TRAPPC9: variants seen among roughly 807,000 people sequenced by gnomAD.
TRAPPC9 encodes IKK2 binding protein.
TRAPPC9 carries 83 observed loss-of-function variants against 124.0 expected under a neutral mutation model. The observed-to-expected ratio is 0.67, with a 90% CI of 0.56 to 0.80. TRAPPC9 has a LOEUF of 0.80. TRAPPC9 is among the 30% of genes least tolerant of loss of function. The pLI, the probability that TRAPPC9 is intolerant of heterozygous loss-of-function variation, is 0.00. For missense variants in TRAPPC9, 1,302 were observed against 1,508.3 expected (o/e 0.86, Z 2.27); for synonymous variants, 638 against 617.5 (o/e 1.03, Z -0.49).
chr8:139,750,987 C>T (rs934005394), intron 21 of TRAPPC9, among the ~76,000 whole-genome samples: 1 of 152,246 alleles, frequency 6.6e-6, no homozygotes, highest in African/African-American at 2.4e-5. Context: ...TGGCCCACCC[C>T]AAGGGCTGCA....
intron 4 of TRAPPC9, among the ~76,000 whole-genome samples, chr8:140,431,764 AAGCC>A (rs1228141696): frequency 6.6e-6 from 1 of 152,210 alleles, no homozygotes; most frequent in Non-Finnish European, 1.5e-5. Context: ...ATTCAGACAC[AAGCC>A]AGCTGAACGA....
At chr8:139,774,349 C>T (rs554754914) in intron 21 of TRAPPC9, among the ~76,000 whole-genome samples, 7 of 152,182 alleles carry the variant, frequency 4.6e-5, no homozygotes, top group African/African-American at 1.2e-4. Context: ...ACTGGGGGCG[C>T]GGTGGGCTGG....
Position 140,371,081 on chromosome 8 carries a change from C to T in TRAPPC9, c.1234G>A (p.Ala412Thr), listed in dbSNP as rs201836353. 1.2e-6 allele frequency: 2 copies of T among 1,614,204 alleles called. No individual in the cohort carries two copies. Among genetic ancestry groups the T allele is most frequent in the Non-Finnish European group, 1.7e-6 (2 of 1,180,046 alleles). Residue 412 changes from alanine (A) to threonine (T), a missense_variant, in exon 8 of 23, where the codon GCC becomes ACC. By Grantham distance (58) the Ala-to-Thr change is moderately conservative. Coordinates refer to ENST00000438773, the MANE Select transcript of TRAPPC9 (RefSeq NM_001160372.4). ...ATGCTTGGGGCCACGCACTGCATGG[C>T]GGCCACGCGCTTGAAGAACGCAGAC... The part of the protein sequence containing the change: ...RKSAFFKRVA[A>T]MQCVAPSIAE...
chr8:139,974,754 G>A (rs750250515), intron 19 of TRAPPC9, among the ~76,000 whole-genome samples: 7 of 152,024 alleles, frequency 4.6e-5, no homozygotes, highest in Non-Finnish European at 8.8e-5. Context: ...CTCCTACAGG[G>A]CTCCATTTTA....
At chr8:140,099,303 C>A (rs1430327526) in intron 17 of TRAPPC9, 1 of 150,582 alleles carries the variant, frequency 6.6e-6, no homozygotes, top group Non-Finnish European at 1.5e-5. Flanking sequence ...AGACACCCAG[C>A]GAGGTCTCTG....
chr8:140,206,582 C>T (rs1027730974), intron 17 of TRAPPC9, among the ~76,000 whole-genome samples: 4 of 151,982 alleles, frequency 2.6e-5, no homozygotes, highest in Admixed American at 6.6e-5. Context: ...TACTCCCTTA[C>T]GGTCTTAAGG....
intron 15 of TRAPPC9, among the ~76,000 whole-genome samples, chr8:140,262,383 T>C (rs530387304): frequency 1.6e-4 from 24 of 150,942 alleles, no homozygotes; most frequent in African/African-American, 5.0e-4. Context: ...GCGTTGAACA[T>C]GACAGGTCTC....
In TRAPPC9 at chr8:140,114,610, G is replaced by C. The variant is rs115900458; in HGVS notation, c.2557-90531C>G. On this transcript the variant is annotated intron_variant, in intron 17 of 22. Transcript: ENST00000438773. ...CCATCCGTCACCGATGCAATCATTT[G>C]ATAATTGCTTTTAGGCCCTGGGTCC... is the stretch of plus-strand genomic sequence containing the variant. Among the ~76,000 whole-genome samples, 691 of 152,296 alleles carry C rather than the reference G, an allele frequency of 4.5e-3. 3 individuals are homozygous for C. Among genetic ancestry groups the C allele is most frequent in the African/African-American group, 0.016 (661 of 41,562 alleles).
intron 21 of TRAPPC9, among the ~76,000 whole-genome samples, chr8:139,849,909 G>T (rs1381387075): frequency 6.6e-6 from 1 of 152,188 alleles, no homozygotes; most frequent in East Asian, 1.9e-4. Flanking sequence ...AGGCCCTGAG[G>T]TGGCTCCTGT....
chr8:139,993,132 G>A (rs187682437), intron 18 of TRAPPC9, among the ~76,000 whole-genome samples: 133 of 152,174 alleles, frequency 8.7e-4, no homozygotes, highest in Admixed American at 1.5e-3. Context: ...TTTTTAATGC[G>A]TTGCAAATAT....
intron 15 of TRAPPC9, among the ~76,000 whole-genome samples, chr8:140,268,336 C>A (rs952819384): frequency 1.3e-5 from 2 of 149,122 alleles, no homozygotes; most frequent in Admixed American, 6.7e-5. Flanking sequence ...GTCCTCTGTT[C>A]ATTCATGCTG....
chr8:140,436,238 C>T (rs144714089), intron 3 of TRAPPC9, among the ~76,000 whole-genome samples: 429 of 151,872 alleles, frequency 2.8e-3, no homozygotes, highest in African/African-American at 9.4e-3. Context: ...CCCAGCTACT[C>T]GGGAGGCTGA....
At chr8:140,438,651 T>C (rs1276319142) in intron 3 of TRAPPC9, among the ~76,000 whole-genome samples, 1 of 152,188 alleles carries the variant, frequency 6.6e-6, no homozygotes, top group African/African-American at 2.4e-5. Context: ...TCCCTTCTTT[T>C]TGGGGAATTT....
intron 13 of TRAPPC9, among the ~76,000 whole-genome samples, chr8:140,285,609 C>A (rs1350080073): frequency 6.6e-6 from 1 of 152,154 alleles, no homozygotes; most frequent in Non-Finnish European, 1.5e-5. Context: ...CTGGCCTGGA[C>A]CACCCACTCT....
intron 12 of TRAPPC9, among the ~76,000 whole-genome samples, chr8:140,290,270 A>G (rs1266533727): frequency 6.6e-6 from 1 of 152,200 alleles, no homozygotes; most frequent in African/African-American, 2.4e-5. Context: ...ACTCTAAAAG[A>G]CAACATCCAT....
At chr8:140,403,055 G>A (rs867695182) in intron 6 of TRAPPC9, among the ~76,000 whole-genome samples, 1 of 152,140 alleles carries the variant, frequency 6.6e-6, no homozygotes, top group Non-Finnish European at 1.5e-5. Context: ...ACAGCTCTAT[G>A]AGATGATGGG....
At chr8:139,925,826 C>G (rs966915306) in intron 19 of TRAPPC9, among the ~76,000 whole-genome samples, 3 of 38,564 alleles carry the variant, frequency 7.8e-5, no homozygotes, top group Non-Finnish European at 1.1e-4. Context: ...CACACGCACA[C>G]GCACACACAC....
At chr8:139,819,041 G>T (rs1030643638) in intron 21 of TRAPPC9, among the ~76,000 whole-genome samples, 1 of 152,168 alleles carries the variant, frequency 6.6e-6, no homozygotes, top group African/African-American at 2.4e-5. Flanking sequence ...GGAGGTGAGC[G>T]GCGGGTGAAG....
At chr8:140,099,298 C>A (rs2060524764) in intron 17 of TRAPPC9, 1 of 150,966 alleles carries the variant, frequency 6.6e-6, no homozygotes, top group African/African-American at 2.4e-5. Flanking sequence ...AAGGGAGACA[C>A]CCAGCGAGGT....
Sources: gnomAD v4.1 joint callset for allele counts (sites outside exome capture counted in the v4.1 genomes callset) on GRCh38, gnomAD v4.1.1 for gene constraint, MANE v1.5 for transcripts, NCBI Gene and HGNC (gene_info 2026-07-23, HGNC 2026-07-21) for gene names.